ZNF778: variants seen among roughly 807,000 people sequenced by gnomAD.
ZNF778 encodes zinc finger protein 778.
Under a neutral mutation model 23.9 loss-of-function variants are expected in ZNF778, and 37 were observed. The ratio of observed to expected loss-of-function variants is 1.54; its 90% CI spans 1.19 to 2.03. The LOEUF (loss-of-function observed/expected upper bound fraction) is 2.03, where lower values mean the gene tolerates loss of function less well. ZNF778 is among the 30% of genes most tolerant of loss of function. The pLI, the probability that ZNF778 is intolerant of heterozygous loss-of-function variation, is 0.00. For synonymous variants in ZNF778, 483 were observed against 343.9 expected, an observed-to-expected ratio of 1.40 and a Z score of -4.48; for missense variants, 1,297 against 934.4, an observed-to-expected ratio of 1.39 and a Z score of -5.06.
chr16:89,236,021 C>G lies in ZNF778; in HGVS notation c.*7459C>G, dbSNP rs964647029. 1 of 143,402 alleles carries G rather than the reference C, an allele frequency of 7.0e-6. No individual in the cohort carries two copies. Among genetic ancestry groups the G allele is most frequent in the African/African-American group, 2.7e-5 (1 of 37,308 alleles). The allele number at this position is 143,402 out of a possible 1,614,324, so 8.9% of individuals were successfully genotyped here. A position where few individuals can be genotyped will look rare whatever the true frequency, so the allele number is the denominator to read the frequency against. On this transcript the variant is annotated 3_prime_UTR_variant, in exon 7 of 7. Coordinates refer to ENST00000433976, the MANE Select transcript of ZNF778 (RefSeq NM_001201407.2). ...AAAAAAAAAAAAAAAAAGAAAAATACAAAAATTTAGTTGGGCGTGGTGGCG... is the reference window on the plus strand; with the variant it reads ...AAAAAAAAAAAAAAAAAGAAAAATAGAAAAATTTAGTTGGGCGTGGTGGCG...
rs531252793 is a variant in ZNF778, at chr16:89,222,019, C to G, written c.26-73C>G. 48 of 1,092,948 alleles carry G rather than the reference C, an allele frequency of 4.4e-5. No individual in the cohort carries two copies. In the East Asian group the frequency reaches 1.2e-3, roughly 27 times the overall value. 67.7% of individuals were successfully genotyped at this position (1,092,948 alleles called of 1,614,324 possible). On this transcript the variant is annotated intron_variant, in intron 2 of 6. Coordinates refer to ENST00000433976, the MANE Select transcript of ZNF778 (RefSeq NM_001201407.2). ...ATAATTTCCTGCTAGGATGGAATGACTTCCGGGTCCATGAGTGTGGAATTA... is the reference window on the plus strand; with the variant it reads ...ATAATTTCCTGCTAGGATGGAATGAGTTCCGGGTCCATGAGTGTGGAATTA...
chr16:89,223,850 G>A (rs1045970150), intron 4 of ZNF778, among the ~76,000 whole-genome samples: 5 of 148,402 alleles, frequency 3.4e-5, no homozygotes, highest in African/African-American at 4.9e-5. Flanking sequence ...CTCCAGCCTG[G>A]GTGACAGAGC....
chr16:89,234,109 T>C lies in ZNF778; in HGVS notation c.*5547T>C. The stretch of plus-strand genomic sequence containing the variant: ...CTGCCTGGAGTGATGTGCCGCCTTC[T>C]CTTGACACTGTGAGTGATAAACTTT... On this transcript the variant is annotated 3_prime_UTR_variant, in exon 7 of 7. Coordinates refer to ENST00000433976, the MANE Select transcript of ZNF778 (RefSeq NM_001201407.2). The C allele has an allele frequency of 2.0e-6, 1 of 506,822 alleles. No homozygotes were observed. The allele number at this position is 506,822 out of a possible 1,614,324, so 31.4% of individuals were successfully genotyped here. A position where few individuals can be genotyped will look rare whatever the true frequency, so the allele number is the denominator to read the frequency against.
At position 89,226,666 on chromosome 16, in the gene ZNF778, CT is replaced by C. The variant is rs767218813; in HGVS notation, c.406-27del. ...TCTATGAATCAGCCTCAGTAACCCC[CT>C]GACCACCACTCATTCTTCACCAACA... On this transcript the variant is annotated intron_variant, in intron 6 of 6. Transcript: ENST00000433976. 27 of 1,582,734 alleles carry C rather than the reference CT, an allele frequency of 1.7e-5. 1 individual carries two copies. Among genetic ancestry groups the C allele is most frequent in the South Asian group, 5.8e-5 (5 of 86,932 alleles).
Position 89,223,135 on chromosome 16 carries a change from A to C in ZNF778, c.118-22A>C, listed in dbSNP as rs368106527. On this transcript the variant is annotated intron_variant, in intron 3 of 6. Coordinates refer to ENST00000433976, the MANE Select transcript of ZNF778 (RefSeq NM_001201407.2). ...CCGATGGACACGTTGGAAGGCTCCA[A>C]CCGTCATGTGTGATGATTTAGGACG... 3.3e-5 allele frequency: 53 copies of C among 1,609,374 alleles called. No individual in the cohort carries two copies. The African/African-American group carries it at 6.0e-4, about 18-fold the overall frequency.
Position 89,234,779 on chromosome 16 carries a change from G to C in ZNF778, c.*6217G>C, listed in dbSNP as rs2032190721. The C allele has an allele frequency of 6.6e-6, 1 of 152,450 alleles. No homozygotes were observed. The highest frequency in any genetic ancestry group is 1.5e-5 in the Non-Finnish European group (1 of 68,292). 9.4% of individuals were successfully genotyped at this position (152,450 alleles called of 1,614,324 possible). On this transcript the variant is annotated 3_prime_UTR_variant, in exon 7 of 7. Coordinates refer to ENST00000433976, the MANE Select transcript of ZNF778 (RefSeq NM_001201407.2). ...AAAAATAGAAAAATTGGCTAGATGTGGTGGTGCACGCCTGTAATCCCAGCT... is the reference window on the plus strand; with the variant it reads ...AAAAATAGAAAAATTGGCTAGATGTCGTGGTGCACGCCTGTAATCCCAGCT...
In ZNF778 at chr16:89,226,939, A is replaced by C. The variant is rs1158657682; in HGVS notation, c.651A>C (p.Gln217His). The change falls in exon 7 of 7, where the codon CAA (glutamine) becomes CAC (histidine). Residue 217 changes from glutamine (Q) to histidine (H), a missense_variant. Transcript: ENST00000433976. The stretch of plus-strand genomic sequence containing the variant: ...CTACTCCAAATGTTGTTTCCCAGCA[A>C]GCATGCACTCGGGACAGATCTCTTG... Reference protein sequence around the residue: ...FSSTPNVVSQQACTRDRSLDY... With the variant: ...FSSTPNVVSQHACTRDRSLDY... The C allele has an allele frequency of 1.2e-6, 2 of 1,614,012 alleles. No homozygotes were observed. The highest frequency in any genetic ancestry group is 1.1e-5 in the South Asian group (1 of 91,082).
At chr16:89,221,364 C>T (rs563628761) in intron 2 of ZNF778, among the ~76,000 whole-genome samples, 1 of 152,182 alleles carries the variant, frequency 6.6e-6, no homozygotes, top group South Asian at 2.1e-4. Context: ...AGTTTTCTCA[C>T]CACGGGCAAA....
In ZNF778 at chr16:89,232,864, A is replaced by G. The variant is rs1294823603; in HGVS notation, c.*4302A>G. ...CAACTCACACCGTGTATGCAAATCA[A>G]CTCGCACTGCGTATGCAACTCAACT... On this transcript the variant is annotated 3_prime_UTR_variant, in exon 7 of 7. Transcript: ENST00000433976. 3.3e-6 allele frequency: 4 copies of G among 1,220,680 alleles called. No homozygotes were observed. In the East Asian group the frequency reaches 1.7e-4, roughly 52 times the overall value. 75.6% of individuals were successfully genotyped at this position (1,220,680 alleles called of 1,614,324 possible).
In ZNF778 at chr16:89,225,631, G is replaced by A. The variant is rs117884871; in HGVS notation, c.405G>A (p.Thr135=). Residue 135 remains threonine, a splice_region_variant and synonymous_variant, in exon 6 of 7, where the codon ACG becomes ACA. Coordinates refer to ENST00000433976, the MANE Select transcript of ZNF778 (RefSeq NM_001201407.2). ...TCAGAGCATCAAATGAGACACAGAC[G>A]GTAAGATTAACAAGAGAGATTTTTT... The part of the protein sequence containing the change: ...SWFRASNETQ[T]ARSHNGGQLC... The A allele has an allele frequency of 0.013, 20,363 of 1,610,318 alleles. 176 individuals carry two copies. Among genetic ancestry groups the A allele is most frequent in the Non-Finnish European group, 0.014 (16,754 of 1,177,606 alleles).
intron 5 of ZNF778, among the ~76,000 whole-genome samples, chr16:89,225,075 A>T (rs540627555): frequency 2.8e-5 from 4 of 142,564 alleles, no homozygotes; most frequent in South Asian, 2.2e-4. Context: ...TTGTGATCTC[A>T]TAAAAAACCT....
Position 89,236,008 on chromosome 16 carries a change from A to AG in ZNF778, c.*7446_*7447insG, listed in dbSNP as rs886560795. ...CTCGTCTCTAGTAAAAAAAAAAAAAAAAAAGAAAAATACAAAAATTTAGTT... is the reference window on the plus strand; with the variant it reads ...CTCGTCTCTAGTAAAAAAAAAAAAAAGAAAAGAAAAATACAAAAATTTAGTT... On this transcript the variant is annotated 3_prime_UTR_variant, in exon 7 of 7. Transcript: ENST00000433976. 1.3e-5 allele frequency: 2 copies of AG among 151,566 alleles called. No homozygotes were observed. The highest frequency in any genetic ancestry group is 4.8e-5 in the African/African-American group (2 of 41,286). The allele number at this position is 151,566 out of a possible 1,614,324, so 9.4% of individuals were successfully genotyped here.
At position 89,228,513 on chromosome 16, in the gene ZNF778, C is replaced by T. The variant is rs113510972; in HGVS notation, c.2225C>T (p.Ser742Leu). 1.2e-5 allele frequency: 19 copies of T among 1,605,574 alleles called. No individual in the cohort carries two copies. Among genetic ancestry groups the T allele is most frequent in the African/African-American group, 8.1e-5 (6 of 74,450 alleles). ...TGTGGAAAATCTTTTAAGAATTCCT[C>T]ATGCCTTAACCATCACACTCAAATT... Reference protein sequence around the residue: ...KDCGKSFKNSSCLNHHTQIHT... With the variant: ...KDCGKSFKNSLCLNHHTQIHT... The change falls in exon 7 of 7, where the codon TCA (serine) becomes TTA (leucine). Residue 742 changes from serine (S) to leucine (L), a missense_variant. Ser to Leu is a moderately radical substitution (Grantham distance 145). Transcript: ENST00000433976.
At chr16:89,223,637 C>A (rs1462590434) in intron 4 of ZNF778, among the ~76,000 whole-genome samples, 1 of 152,176 alleles carries the variant, frequency 6.6e-6, no homozygotes, top group Admixed American at 6.5e-5. Context: ...GAATGAAGAT[C>A]TCTTATTGCA....
chr16:89,232,247 C>A lies in ZNF778; in HGVS notation c.*3685C>A. The A allele has an allele frequency of 5.4e-6, 1 of 184,372 alleles. No individual in the cohort carries two copies. The highest frequency in any genetic ancestry group is 1.2e-5 in the Non-Finnish European group (1 of 86,058). The allele number at this position is 184,372 out of a possible 1,614,324, so 11.4% of individuals were successfully genotyped here. On this transcript the variant is annotated 3_prime_UTR_variant, in exon 7 of 7. Coordinates refer to ENST00000433976, the MANE Select transcript of ZNF778 (RefSeq NM_001201407.2). ...TACTGGGAGCATGGTTGTGATAAAG[C>A]CAAGCCGTCCCTCGGGTTTGGCTCA...
intron 3 of ZNF778, among the ~76,000 whole-genome samples, chr16:89,222,898 G>C (rs1483642615): frequency 1.8e-5 from 1 of 56,536 alleles, no homozygotes; most frequent in Admixed American, 2.9e-4. Flanking sequence ...CGTGTGACTG[G>C]AGGAGAGCGA....
At chr16:89,219,298 T>C (rs1468553067) in intron 1 of ZNF778, among the ~76,000 whole-genome samples, 1 of 152,230 alleles carries the variant, frequency 6.6e-6, no homozygotes, top group Admixed American at 6.5e-5. Context: ...CTCTATCATA[T>C]TGACTTTGGT....
Position 89,236,712 on chromosome 16 carries a change from C to G in ZNF778, c.*8150C>G, listed in dbSNP as rs1273997053. On this transcript the variant is annotated 3_prime_UTR_variant, in exon 7 of 7. Coordinates refer to ENST00000433976, the MANE Select transcript of ZNF778 (RefSeq NM_001201407.2). ...CTGGACGGCGTGGAGGTTCCGTGCT[C>G]CATTTCAGTGGCAAAATACCATTCC... is the stretch of plus-strand genomic sequence containing the variant. 1.3e-5 allele frequency: 2 copies of G among 152,294 alleles called. No homozygotes were observed. Among genetic ancestry groups the G allele is most frequent in the African/African-American group, 4.8e-5 (2 of 41,546 alleles). 9.4% of individuals were successfully genotyped at this position (152,294 alleles called of 1,614,324 possible).
chr16:89,228,792 CTA>C lies in ZNF778; in HGVS notation c.*232_*233del, dbSNP rs2031734744. 7.7e-7 allele frequency: 1 copy of C among 1,305,398 alleles called. No individual in the cohort carries two copies. Among genetic ancestry groups the C allele is most frequent in the Non-Finnish European group, 9.7e-7 (1 of 1,028,934 alleles). The allele number at this position is 1,305,398 out of a possible 1,614,324, so 80.9% of individuals were successfully genotyped here. ...TGGATGGTATCCAGTAGAGAGAACT[CTA>C]TTGATGTGTGATATGCAGCAGCATT... On this transcript the variant is annotated 3_prime_UTR_variant, in exon 7 of 7. Coordinates refer to ENST00000433976, the MANE Select transcript of ZNF778 (RefSeq NM_001201407.2).
Sources: allele counts gnomAD v4.1 joint callset (sites outside exome capture counted in the v4.1 genomes callset), GRCh38; gene constraint gnomAD v4.1.1; transcripts MANE v1.5; gene names NCBI Gene and HGNC (gene_info 2026-07-23, HGNC 2026-07-21).